The following NCKAP1 variants were observed in gnomAD, a reference collection of about 807,000 sequenced individuals.
NCKAP1 encodes the protein NCK associated protein 1, also known as nck-associated protein 1.
NCKAP1 carries 21 observed loss-of-function variants against 151.2 expected under a neutral mutation model. The observed-to-expected ratio is 0.14, with a 90% CI of 0.10 to 0.20. The LOEUF is 0.20. NCKAP1 is among the 10% of genes least tolerant of loss of function. The pLI, the probability that NCKAP1 is intolerant of heterozygous loss-of-function variation, is 1.00. For synonymous variants in NCKAP1, 484 were observed against 451.8 expected, an observed-to-expected ratio of 1.07 and a Z score of -0.90; for missense variants, 933 against 1,352.1, an observed-to-expected ratio of 0.69 and a Z score of 4.86.
chr2:182,950,190 T>C (rs1697186118), intron 23 of NCKAP1, among the ~76,000 whole-genome samples: 1 of 152,156 alleles, frequency 6.6e-6, no homozygotes, highest in African/African-American at 2.4e-5. Context: ...GAAGGCCAGA[T>C]CCTTGCAGTA....
chr2:182,925,103 C>G lies in NCKAP1; in HGVS notation c.*599G>C, dbSNP rs913283708. 12 of 152,098 alleles carry G rather than the reference C, an allele frequency of 7.9e-5. No individual in the cohort carries two copies. The allele number at this position is 152,098 out of a possible 1,614,324, so 9.4% of individuals were successfully genotyped here. A position where few individuals can be genotyped will look rare whatever the true frequency, so the allele number is the denominator to read the frequency against. ...AAATTATCGCTAGGCTTTATACAAGCAACAACATATGCTGCTGCTCTTAGA... is the reference window on the plus strand; with the variant it reads ...AAATTATCGCTAGGCTTTATACAAGGAACAACATATGCTGCTGCTCTTAGA... On this transcript the variant is annotated 3_prime_UTR_variant, in exon 31 of 31. Coordinates refer to ENST00000361354, the MANE Select transcript of NCKAP1 (RefSeq NM_013436.5).
chr2:182,916,390 G>A lies in NCKAP1; in HGVS notation c.*9312C>T, dbSNP rs1243541089. 6.6e-6 allele frequency: 1 copy of A among 152,118 alleles called. No individual in the cohort carries two copies. The highest frequency in any genetic ancestry group is 1.5e-5 in the Non-Finnish European group (1 of 68,046). The allele number at this position is 152,118 out of a possible 1,614,324, so 9.4% of individuals were successfully genotyped here. Reference sequence around the variant, plus strand: ...CTTTCCTAACTTAAAGTAAGATTCTGAGAGTTACACAGGGTAGGAAATTTG... The same window carrying A: ...CTTTCCTAACTTAAAGTAAGATTCTAAGAGTTACACAGGGTAGGAAATTTG... On this transcript the variant is annotated 3_prime_UTR_variant, in exon 31 of 31. Transcript: ENST00000361354.
intron 1 of NCKAP1, among the ~76,000 whole-genome samples, chr2:183,030,982 A>G (rs932347249): frequency 1.3e-5 from 2 of 152,174 alleles, no homozygotes; most frequent in Non-Finnish European, 2.9e-5. Context: ...GTAGGTAAAA[A>G]GAAAAGAGAG....
intron 2 of NCKAP1, among the ~76,000 whole-genome samples, chr2:183,009,466 G>A (rs1246328516): frequency 6.7e-6 from 1 of 149,002 alleles, no homozygotes; most frequent in African/African-American, 2.5e-5. Flanking sequence ...AAGGAAGGAA[G>A]GAAGGAAGGA....
intron 25 of NCKAP1, 26 bp downstream of exon 25, chr2:182,935,267 A>G: frequency 1.4e-6 from 2 of 1,421,542 alleles, no homozygotes; most frequent in Non-Finnish European, 1.9e-6. Flanking sequence ...TTGGATACCG[A>G]GTATATACTT....
intron 15 of NCKAP1, among the ~76,000 whole-genome samples, chr2:182,970,260 T>C (rs1697659931): frequency 6.6e-6 from 1 of 152,176 alleles, no homozygotes; most frequent in African/African-American, 2.4e-5. Flanking sequence ...ACTCATTCTA[T>C]GAGGCCAGCA....
Position 182,928,818 on chromosome 2 carries a change from C to G in NCKAP1, c.3035G>C (p.Ser1012Thr). Residue 1012 changes from serine to threonine, a missense_variant, in exon 28 of 31, where the codon AGT becomes ACT. Ser to Thr is a moderately conservative substitution (Grantham distance 58). Transcript: ENST00000361354. ...FVAVSLPTLA[S>T]NVMSQYSPAI... The stretch of plus-strand genomic sequence containing the variant: ...AGGGCTGTACTGAGACATCACATTA[C>G]TGGCCAGTGTTGGCAAAGAAACTGC... The G allele has an allele frequency of 1.2e-6, 2 of 1,611,648 alleles. No individual in the cohort carries two copies. The highest frequency in any genetic ancestry group is 1.7e-6 in the Non-Finnish European group (2 of 1,178,308).
chr2:183,031,750 G>A lies in NCKAP1; in HGVS notation c.108+6242C>T, dbSNP rs77419052. Among the ~76,000 whole-genome samples, 694 of 152,188 alleles carry A rather than the reference G, an allele frequency of 4.6e-3. 1 individual carries two copies. The highest frequency in any genetic ancestry group is 8.0e-3 in the Admixed American group (122 of 15,288). On this transcript the variant is annotated intron_variant, in intron 1 of 30. Transcript: ENST00000361354. ...CTTAACCTATGAGGTTAATAAAAGC[G>A]TATTCCAAAAACGTGAGATAACTGG... is the stretch of plus-strand genomic sequence containing the variant.
chr2:182,928,018 A>C, intron 29 of NCKAP1, 99 bp downstream of exon 29: 1 of 830,770 alleles, frequency 1.2e-6, no homozygotes, highest in Non-Finnish European at 1.8e-6. Flanking sequence ...ACACTAAATA[A>C]AATGTAAAAA....
At chr2:183,024,957 A>G (rs1324718349) in intron 1 of NCKAP1, 2 of 1,611,838 alleles carry the variant, frequency 1.2e-6, no homozygotes, top group Non-Finnish European at 8.5e-7. Context: ...GGGCAGAGGG[A>G]AGGTGAAAAG....
At position 182,909,849 on chromosome 2, in the gene NCKAP1, C is replaced by T. The variant is rs1456573643; in HGVS notation, c.*15853G>A. 6.6e-6 allele frequency: 1 copy of T among 152,140 alleles called. No individual in the cohort carries two copies. The highest frequency in any genetic ancestry group is 1.5e-5 in the Non-Finnish European group (1 of 68,048). 9.4% of individuals were successfully genotyped at this position (152,140 alleles called of 1,614,324 possible). A position where few individuals can be genotyped will look rare whatever the true frequency, so the allele number is the denominator to read the frequency against. On this transcript the variant is annotated 3_prime_UTR_variant, in exon 31 of 31. Coordinates refer to ENST00000361354, the MANE Select transcript of NCKAP1 (RefSeq NM_013436.5). ...TGGGTACTCCTAAGAAAAACACTTC[C>T]CTGGAATCCATTCTCAGCCACCGAT...
In NCKAP1 at chr2:182,977,006, C is replaced by T; in HGVS notation, c.1424-55G>A. 2.4e-6 allele frequency: 3 copies of T among 1,225,454 alleles called. No individual in the cohort carries two copies. In the African/African-American group the frequency reaches 4.7e-5, roughly 19 times the overall value. 75.9% of individuals were successfully genotyped at this position (1,225,454 alleles called of 1,614,324 possible). A position where few individuals can be genotyped will look rare whatever the true frequency, so the allele number is the denominator to read the frequency against. On this transcript the variant is annotated intron_variant, in intron 14 of 30. Coordinates refer to ENST00000361354, the MANE Select transcript of NCKAP1 (RefSeq NM_013436.5). Reference sequence around the variant, plus strand: ...CAAAGCAAATTAATGTTTTCACAATCTATAAGCACATTTTAAATTTTAAGA... The same window carrying T: ...CAAAGCAAATTAATGTTTTCACAATTTATAAGCACATTTTAAATTTTAAGA...
At chr2:182,969,020 T>C (rs1376317874) in intron 15 of NCKAP1, among the ~76,000 whole-genome samples, 1 of 152,226 alleles carries the variant, frequency 6.6e-6, no homozygotes, top group Admixed American at 6.5e-5. Context: ...TTGACATTTA[T>C]CACAAACTAA....
chr2:182,923,587 G>T lies in NCKAP1; in HGVS notation c.*2115C>A, dbSNP rs1476041166. The T allele has an allele frequency of 6.6e-6, 1 of 152,114 alleles. No individual in the cohort carries two copies. Among genetic ancestry groups the T allele is most frequent in the Non-Finnish European group, 1.5e-5 (1 of 68,020 alleles). 9.4% of individuals were successfully genotyped at this position (152,114 alleles called of 1,614,324 possible). ...GCCTGGCCATGAAATTGTTAAATTA[G>T]TTATGGTATCTATAAAGGTATTAAA... On this transcript the variant is annotated 3_prime_UTR_variant, in exon 31 of 31. Coordinates refer to ENST00000361354, the MANE Select transcript of NCKAP1 (RefSeq NM_013436.5).
At chr2:183,021,929 G>A (rs1234147958) in intron 2 of NCKAP1, among the ~76,000 whole-genome samples, 3 of 152,070 alleles carry the variant, frequency 2.0e-5, no homozygotes, top group Non-Finnish European at 2.9e-5. Flanking sequence ...CTTTGAATGG[G>A]TGAATTATAT....
rs1697468592 is a variant in NCKAP1 at position 182,962,207 on chromosome 2, T to C, written c.1833A>G (p.Arg611=). 6.2e-7 allele frequency: 1 copy of C among 1,613,022 alleles called. No individual in the cohort carries two copies. The highest frequency in any genetic ancestry group is 1.7e-5 in the Admixed American group (1 of 59,938). The stretch of plus-strand genomic sequence containing the variant: ...CTGTGCAAATATCAGTGATGAGATT[T>C]CGAGCTTGTTTGGCCATTTCATCTA... The part of the protein sequence containing the change: ...MFLDEMAKQA[R]NLITDICTEQ... The change falls in exon 18 of 31, where the codon CGA becomes CGG. Residue 611 remains arginine (R), a synonymous_variant. Coordinates refer to ENST00000361354, the MANE Select transcript of NCKAP1 (RefSeq NM_013436.5).
At chr2:182,986,840 A>T (rs1698067161) in intron 9 of NCKAP1, among the ~76,000 whole-genome samples, 1 of 152,218 alleles carries the variant, frequency 6.6e-6, no homozygotes, top group Admixed American at 6.5e-5. Flanking sequence ...TAAAGATGCT[A>T]CCATGAAAAC....
At chr2:183,029,765 A>C (rs1441128497) in intron 1 of NCKAP1, among the ~76,000 whole-genome samples, 1 of 147,208 alleles carries the variant, frequency 6.8e-6, no homozygotes, top group Non-Finnish European at 1.5e-5. Context: ...GTCTACAGTG[A>C]GCCCTGTTCA....
At chr2:183,030,939 C>T (rs571720479) in intron 1 of NCKAP1, among the ~76,000 whole-genome samples, 10 of 152,118 alleles carry the variant, frequency 6.6e-5, no homozygotes, top group Admixed American at 4.6e-4. Context: ...TTTGGCCAAC[C>T]GATCTGCTTT....
Sources: allele counts gnomAD v4.1 joint callset (sites outside exome capture counted in the v4.1 genomes callset), GRCh38; gene constraint gnomAD v4.1.1; transcripts MANE v1.5; gene names NCBI Gene and HGNC (gene_info 2026-07-23, HGNC 2026-07-21).